The following URB2 variants were observed in gnomAD, a reference collection of about 807,000 sequenced individuals.
URB2 encodes the protein URB2 ribosome biogenesis homolog.
URB2 carries 86 observed loss-of-function variants against 120.9 expected under a neutral mutation model. The ratio of observed to expected loss-of-function variants is 0.71; its 90% confidence interval spans 0.60 to 0.85. The LOEUF is 0.85. Ranked by LOEUF, URB2 falls within the 40% of genes least tolerant of loss-of-function variation. The pLI is 0.00. For synonymous variants in URB2, 755 were observed against 758.4 expected (o/e 1.00, Z 0.07); for missense variants, 1,765 against 1,836.5 (o/e 0.96, Z 0.71).
Position 229,638,046 on chromosome 1 carries a change from AG to A in URB2, c.3435del (p.Thr1146ArgfsTer37). 6.2e-7 allele frequency: 1 copy of A among 1,613,676 alleles called. No individual in the cohort carries two copies. Among genetic ancestry groups the A allele is most frequent in the Non-Finnish European group, 8.5e-7 (1 of 1,179,752 alleles). ...GGCCGACATTTCCCAAGGAAGCGAC[AG>A]GACGCTGCTCTCCCATGTTGCCCTC... ...GGADISQGSD[R>X]TLLSHVALYQ... is the part of the protein sequence containing the mutation. On this transcript the variant is annotated frameshift_variant, in exon 4 of 10. Coordinates refer to ENST00000258243, the MANE Select transcript of URB2 (RefSeq NM_014777.4). LOFTEE classifies it high-confidence loss of function.
At chr1:229,629,669 T>G (rs529808199) in intron 2 of URB2, among the ~76,000 whole-genome samples, 23 of 152,338 alleles carry the variant, frequency 1.5e-4, no homozygotes, top group African/African-American at 5.5e-4. Context: ...GCCTTAATGT[T>G]GATGATCTGG....
chr1:229,637,472 A>G lies in URB2; in HGVS notation c.2859A>G (p.Gln953=), dbSNP rs114289841. 85 of 1,614,170 alleles carry G rather than the reference A, an allele frequency of 5.3e-5. No individual in the cohort carries two copies. The Middle Eastern group carries it at 1.8e-3, about 34-fold the overall frequency. ...GCTACCAACTTCTTGGTTACTTGCA[A>G]AAGGGGAAAAGTGCTCGCTCTGTGT... ...TTCYQLLGYL[Q]KGKSARSVFK... The change falls in exon 4 of 10, where the codon CAA becomes CAG. Residue 953 remains glutamine, a synonymous_variant. Coordinates refer to ENST00000258243, the MANE Select transcript of URB2 (RefSeq NM_014777.4).
At position 229,636,816 on chromosome 1, in the gene URB2, T is replaced by TA. The variant is rs1665846137; in HGVS notation, c.2204dup (p.Tyr735Ter). Reference protein sequence around the residue: ...GQVGMVSGLTYPVAHWHLIVS... With the variant: ...GQVGMVSGLT ...AGTTGGGATGGTGAGTGGACTCACA[T>TA]ACCCTGTAGCACACTGGCACTTGAT... The change falls in exon 4 of 10, where the codon TAC becomes TAAC. Residue 735 changes from tyrosine to a stop codon, truncating the protein, a stop_gained and frameshift_variant. Coordinates refer to ENST00000258243, the MANE Select transcript of URB2 (RefSeq NM_014777.4). LOFTEE classifies it high-confidence loss of function. 6.2e-7 allele frequency: 1 copy of TA among 1,612,886 alleles called. No individual in the cohort carries two copies. Among genetic ancestry groups the TA allele is most frequent in the African/African-American group, 1.3e-5 (1 of 74,888 alleles).
At chr1:229,628,795 G>A (rs1485176951) in intron 2 of URB2, among the ~76,000 whole-genome samples, 1 of 152,244 alleles carries the variant, frequency 6.6e-6, no homozygotes, top group Non-Finnish European at 1.5e-5. Context: ...ACAAGCTCAT[G>A]AAATTGGATT....
At chr1:229,643,397 C>A in intron 4 of URB2, 136 bp from the exon 5 acceptor site, 1 of 938,804 alleles carries the variant, frequency 1.1e-6, no homozygotes, top group Non-Finnish European at 1.6e-6. Flanking sequence ...CTTTTTCCAC[C>A]AGTGCTTATA....
intron 4 of URB2, among the ~76,000 whole-genome samples, chr1:229,639,840 G>A (rs747468535): frequency 2.6e-4 from 39 of 152,134 alleles, no homozygotes; most frequent in Non-Finnish European, 4.4e-4. Context: ...ACACAGCCTC[G>A]AAGCAAGAGA....
intron 2 of URB2, 98 bp downstream of exon 2, chr1:229,627,857 G>T: frequency 1.4e-6 from 2 of 1,406,246 alleles, no homozygotes; most frequent in South Asian, 3.2e-5. Context: ...AAAAAATAGA[G>T]AAAAAGTTGG....
chr1:229,649,983 G>A (rs937651097), intron 7 of URB2, among the ~76,000 whole-genome samples: 1 of 152,182 alleles, frequency 6.6e-6, no homozygotes, highest in Non-Finnish European at 1.5e-5. Context: ...AGGGTCCTTG[G>A]GGAACTGGGT....
rs1372646237 is a variant in URB2, at chr1:229,659,324, G to A, written c.*27G>A. 11 of 1,609,036 alleles carry A rather than the reference G, an allele frequency of 6.8e-6. No homozygotes were observed. The highest frequency in any genetic ancestry group is 9.3e-6 in the Non-Finnish European group (11 of 1,176,618). ...GCTATGGGACAGAAGTGCCGCCAGTGACACTGTCCAGAGGCTTTGGCTGCA... is the reference window on the plus strand; with the variant it reads ...GCTATGGGACAGAAGTGCCGCCAGTAACACTGTCCAGAGGCTTTGGCTGCA... On this transcript the variant is annotated 3_prime_UTR_variant, in exon 10 of 10. Transcript: ENST00000258243.
intron 9 of URB2, among the ~76,000 whole-genome samples, chr1:229,656,394 T>C (rs887673192): frequency 4.6e-5 from 7 of 152,234 alleles, no homozygotes; most frequent in Admixed American, 2.0e-4. Flanking sequence ...ATGTCTAATT[T>C]ATGCTCATTA....
Position 229,654,300 on chromosome 1 carries a change from G to A in URB2, c.4289G>A (p.Arg1430Lys), listed in dbSNP as rs774880291. The A allele has an allele frequency of 6.2e-7, 1 of 1,614,198 alleles. No homozygotes were observed. The highest frequency in any genetic ancestry group is 8.5e-7 in the Non-Finnish European group (1 of 1,180,030). ...CTAAAGTGTGCACGCCTGGTTGAAA[G>A]AATGTACAGCCACATCGCCGCACGA... is the stretch of plus-strand genomic sequence containing the variant. ...TVLKCARLVE[R>K]MYSHIAARAE... The change falls in exon 9 of 10, where the codon AGA becomes AAA. Residue 1430 changes from arginine (R) to lysine (K), a missense_variant. Arg to Lys is a conservative substitution (Grantham distance 26, BLOSUM62 2). Coordinates refer to ENST00000258243, the MANE Select transcript of URB2 (RefSeq NM_014777.4).
At chr1:229,652,199 C>CA (rs67509550) in intron 8 of URB2, among the ~76,000 whole-genome samples, 35 of 150,128 alleles carry the variant, frequency 2.3e-4, no homozygotes, top group Middle Eastern at 3.4e-3. Context: ...AAATAAAAAA[C>CA]AAAAAAAAAA....
In URB2 at chr1:229,643,668, G is replaced by A; in HGVS notation, c.3770G>A (p.Ser1257Asn). The A allele has an allele frequency of 6.2e-7, 1 of 1,614,058 alleles. No homozygotes were observed. The highest frequency in any genetic ancestry group is 8.5e-7 in the Non-Finnish European group (1 of 1,179,988). Residue 1257 changes from serine (S) to asparagine (N), a missense_variant, in exon 5 of 10, where the codon AGT (serine) becomes AAT (asparagine). By Grantham distance (46) the Ser-to-Asn change is conservative. Transcript: ENST00000258243. The stretch of plus-strand genomic sequence containing the variant: ...TGTATTCTCCAGGGACTGGATGTCA[G>A]TAACATGTGGAAAGCAGATGTGCAG... ...MQCILQGLDVSNMWKADVQAV... is the reference protein window; with the variant it reads ...MQCILQGLDVNNMWKADVQAV...
At chr1:229,658,633 G>C (rs1244333821) in intron 9 of URB2, among the ~76,000 whole-genome samples, 1 of 152,158 alleles carries the variant, frequency 6.6e-6, no homozygotes, top group Non-Finnish European at 1.5e-5. Flanking sequence ...GGGGTGAGAT[G>C]GGGGTCATAG....
At chr1:229,654,664 T>C (rs1666366388) in intron 9 of URB2, among the ~76,000 whole-genome samples, 1 of 152,160 alleles carries the variant, frequency 6.6e-6, no homozygotes, top group Non-Finnish European at 1.5e-5. Context: ...AGCTAATTTT[T>C]AAATTTTTGT....
At chr1:229,653,377 C>G (rs1280707092) in intron 8 of URB2, among the ~76,000 whole-genome samples, 2 of 152,154 alleles carry the variant, frequency 1.3e-5, no homozygotes, top group Non-Finnish European at 2.9e-5. Context: ...ATGAAGCCGT[C>G]CCCACAATCA....
Position 229,654,268 on chromosome 1 carries a change from T to G in URB2, c.4257T>G (p.Pro1419=), listed in dbSNP as rs572359902. 3 of 1,614,174 alleles carry G rather than the reference T, an allele frequency of 1.9e-6. No homozygotes were observed. Among genetic ancestry groups the G allele is most frequent in the South Asian group, 2.2e-5 (2 of 91,066 alleles). Reference sequence around the variant, plus strand: ...CTGTAGGAAGCATAGATGACCTGCCTACGGTCCTAAAGTGTGCACGCCTGG... The same window carrying G: ...CTGTAGGAAGCATAGATGACCTGCCGACGGTCCTAAAGTGTGCACGCCTGG... ...QKDKGSIDDL[P]TVLKCARLVE... Residue 1419 remains proline, a synonymous_variant, in exon 9 of 10, where the codon CCT becomes CCG. Transcript: ENST00000258243.
chr1:229,643,705 C>T lies in URB2; in HGVS notation c.3795+12C>T. 1 of 1,607,878 alleles carries T rather than the reference C, an allele frequency of 6.2e-7. No individual in the cohort carries two copies. On this transcript the variant is annotated intron_variant, in intron 5 of 9. Coordinates refer to ENST00000258243, the MANE Select transcript of URB2 (RefSeq NM_014777.4). ...AAGCAGATGTGCAGGTGGGTGCCTT[C>T]TCCCTCCTTGTGTGGCAGGCTCAGA... is the stretch of plus-strand genomic sequence containing the variant.
chr1:229,648,125 A>C (rs1666195303), intron 7 of URB2, among the ~76,000 whole-genome samples: 1 of 152,230 alleles, frequency 6.6e-6, no homozygotes, highest in Non-Finnish European at 1.5e-5. Context: ...CAGTCAAAAC[A>C]CAGTCAAAAC....
Sources: allele counts gnomAD v4.1 joint callset (sites outside exome capture counted in the v4.1 genomes callset), GRCh38; gene constraint gnomAD v4.1.1; transcripts MANE v1.5; gene names NCBI Gene and HGNC (gene_info 2026-07-23, HGNC 2026-07-21).